Variants in GLRA1 observed in about 807,000 individuals in gnomAD.
GLRA1 encodes glycine receptor subunit alpha-1.
A neutral mutation model predicts 48.3 loss-of-function variants in GLRA1; 37 were observed. The observed-to-expected ratio is 0.77, with a 90% CI of 0.59 to 1.01. GLRA1 has a LOEUF of 1.01. Among genes scored for constraint, GLRA1 ranks in the 50% least tolerant of loss-of-function variants. The pLI, the probability that GLRA1 is intolerant of heterozygous loss-of-function variation, is 0.00. For synonymous variants in GLRA1, 196 were observed against 210.7 expected (o/e 0.93, Z 0.60); for missense variants, 427 against 571.0 (o/e 0.75, Z 2.57).
At chr5:151,878,738 G>T (rs1301990601) in intron 3 of GLRA1, among the ~76,000 whole-genome samples, 1 of 152,192 alleles carries the variant, frequency 6.6e-6, no homozygotes, top group African/African-American at 2.4e-5. Context: ...CAGCTTCCAC[G>T]TGGCATTGAG....
At chr5:151,903,023 A>G (rs1286507119) in intron 1 of GLRA1, among the ~76,000 whole-genome samples, 1 of 152,248 alleles carries the variant, frequency 6.6e-6, no homozygotes, top group East Asian at 1.9e-4. Flanking sequence ...GCCATTAGAA[A>G]AAACATATCA....
chr5:151,918,341 C>T (rs912380908), intron 1 of GLRA1, among the ~76,000 whole-genome samples: 1 of 152,140 alleles, frequency 6.6e-6, no homozygotes, highest in African/African-American at 2.4e-5. Context: ...GCTGAGAGGC[C>T]GTCAGTCCTG....
At chr5:151,866,512 G>A (rs1753340851) in intron 3 of GLRA1, among the ~76,000 whole-genome samples, 1 of 152,144 alleles carries the variant, frequency 6.6e-6, no homozygotes. Context: ...AAGGGTATGT[G>A]GAATGCAAGA....
At chr5:151,864,163 A>G (rs1031832170) in intron 3 of GLRA1, among the ~76,000 whole-genome samples, 13 of 144,470 alleles carry the variant, frequency 9.0e-5, no homozygotes, top group African/African-American at 3.3e-4. Context: ...GTGTGTTATG[A>G]TGAGGCATTG....
intron 1 of GLRA1, among the ~76,000 whole-genome samples, chr5:151,900,279 T>C (rs763406336): frequency 6.6e-6 from 1 of 152,192 alleles, no homozygotes; most frequent in Non-Finnish European, 1.5e-5. Flanking sequence ...CCTCACCTGC[T>C]TCACTCTAGT....
intron 8 of GLRA1, among the ~76,000 whole-genome samples, chr5:151,827,976 A>G (rs1438736548): frequency 1.3e-5 from 2 of 152,176 alleles, no homozygotes; most frequent in Admixed American, 1.3e-4. Flanking sequence ...TATGTTAGGC[A>G]TTGTGTTAGG....
chr5:151,855,185 G>A lies in GLRA1; in HGVS notation c.560-8C>T, dbSNP rs1391710473. 6 of 1,613,830 alleles carry A rather than the reference G, an allele frequency of 3.7e-6. No individual in the cohort carries two copies. Among genetic ancestry groups the A allele is most frequent in the Middle Eastern group, 1.6e-4 (1 of 6,062 alleles). ...CATTCATCGTATATCCAACTGGGAT[G>A]GGATCAGAAGAAGGAGCAGTCACCA... On this transcript the variant is annotated splice_region_variant and splice_polypyrimidine_tract_variant and intron_variant, in intron 5 of 8. Coordinates refer to ENST00000274576, the MANE Select transcript of GLRA1 (RefSeq NM_000171.4).
At chr5:151,883,825 G>T (rs2964598) in intron 3 of GLRA1, among the ~76,000 whole-genome samples, 151,042 of 152,334 alleles carry the variant, frequency 0.99, 74,893 homozygotes, top group Middle Eastern at 1. Context: ...AGCCTCAGAT[G>T]TTGTCTGGGC....
At chr5:151,840,379 A>C (rs569976175) in intron 7 of GLRA1, among the ~76,000 whole-genome samples, 2 of 152,342 alleles carry the variant, frequency 1.3e-5, no homozygotes, top group East Asian at 3.9e-4. Context: ...AATTACAGGC[A>C]TGAGCAACTG....
intron 3 of GLRA1, among the ~76,000 whole-genome samples, chr5:151,876,043 A>T (rs138409263): frequency 6.6e-6 from 1 of 152,204 alleles, no homozygotes; most frequent in African/African-American, 2.4e-5. Flanking sequence ...TAAATGACAA[A>T]CACCAATACT....
At chr5:151,870,518 T>G (rs1208397684) in intron 3 of GLRA1, among the ~76,000 whole-genome samples, 3 of 149,872 alleles carry the variant, frequency 2.0e-5, no homozygotes, top group Non-Finnish European at 4.4e-5. Context: ...CTCAATGACT[T>G]AGGATGGGCA....
At chr5:151,920,441 A>G (rs189112725) in intron 1 of GLRA1, among the ~76,000 whole-genome samples, 3 of 152,122 alleles carry the variant, frequency 2.0e-5, no homozygotes, top group South Asian at 2.1e-4. Flanking sequence ...AAAGAAAACA[A>G]TTTCCTAAAT....
intron 8 of GLRA1, among the ~76,000 whole-genome samples, chr5:151,824,845 A>G (rs1231064915): frequency 6.6e-6 from 1 of 151,634 alleles, no homozygotes; most frequent in African/African-American, 2.4e-5. Flanking sequence ...CTGCACTCTC[A>G]ACACTGAACA....
intron 1 of GLRA1, among the ~76,000 whole-genome samples, chr5:151,900,208 G>A (rs1456193343): frequency 1.3e-5 from 2 of 152,144 alleles, no homozygotes; most frequent in Admixed American, 1.3e-4. Flanking sequence ...TCCCAGGGTT[G>A]CATAAATGCC....
rs912646154 is a variant in GLRA1 at position 151,865,516 on chromosome 5, T to G, written c.253-5508A>C. Among the ~76,000 whole-genome samples, 62 of 152,222 alleles carry G rather than the reference T, an allele frequency of 4.1e-4. 3 individuals are homozygous for G. ...ACATGCAGGGTCTTGCAAGCTGTAC[T>G]GAGAAATTTGAACTTTTTCCTAATA... is the stretch of plus-strand genomic sequence containing the variant. On this transcript the variant is annotated intron_variant, in intron 3 of 8. Coordinates refer to ENST00000274576, the MANE Select transcript of GLRA1 (RefSeq NM_000171.4).
At chr5:151,837,501 A>T (rs1763606285) in intron 7 of GLRA1, among the ~76,000 whole-genome samples, 1 of 152,226 alleles carries the variant, frequency 6.6e-6, no homozygotes, top group South Asian at 2.1e-4. Context: ...TACTATAAAG[A>T]CACATGCACA....
At chr5:151,883,202 A>T (rs1753802494) in intron 3 of GLRA1, among the ~76,000 whole-genome samples, 1 of 152,142 alleles carries the variant, frequency 6.6e-6, no homozygotes, top group Non-Finnish European at 1.5e-5. Context: ...CTGTCGGAAG[A>T]TTATTTCTTT....
chr5:151,854,963 A>G (rs529257530), intron 6 of GLRA1, 77 bp downstream of exon 6: 5 of 1,426,542 alleles, frequency 3.5e-6, no homozygotes, highest in Non-Finnish European at 4.9e-6. Flanking sequence ...CTGTTGGATC[A>G]ATGATTGAAT....
In GLRA1 at chr5:151,924,843, T is replaced by A. The variant is rs901471523; in HGVS notation, c.-294A>T. 1 of 484,416 alleles carries A rather than the reference T, an allele frequency of 2.1e-6. No homozygotes were observed. Among genetic ancestry groups the A allele is most frequent in the African/African-American group, 2.0e-5 (1 of 50,772 alleles). 30.0% of individuals were successfully genotyped at this position (484,416 alleles called of 1,614,324 possible). ...AACTCCAGCGTGTCTGTTGGCTCCC[T>A]GCGGCGCTGGGGAGGCACGTTTGGG... On this transcript the variant is annotated 5_prime_UTR_variant, in exon 1 of 9. Transcript: ENST00000274576.
Sources: gnomAD v4.1 joint callset for allele counts (sites outside exome capture counted in the v4.1 genomes callset) on GRCh38, gnomAD v4.1.1 for gene constraint, MANE v1.5 for transcripts, NCBI Gene and HGNC (gene_info 2026-07-23, HGNC 2026-07-21) for gene names.